The following STK3 variants were observed in gnomAD, a reference collection of about 807,000 sequenced individuals.
STK3 encodes serine/threonine kinase 3.
Under a neutral mutation model 58.0 loss-of-function variants are expected in STK3, and 41 were observed. The ratio of observed to expected loss-of-function variants is 0.71; its 90% CI spans 0.55 to 0.92. The LOEUF (loss-of-function observed/expected upper bound fraction) is 0.92, where lower values mean the gene tolerates loss of function less well. Among genes scored for constraint, STK3 ranks in the 40% least tolerant of loss-of-function variants. STK3 has a pLI of 0.00. For missense variants in STK3, 479 were observed against 602.7 expected, an observed-to-expected ratio of 0.79 and a Z score of 2.15; for synonymous variants, 170 against 191.0, an observed-to-expected ratio of 0.89 and a Z score of 0.91.
chr8:98,601,330 T>C (rs1479962214), intron 6 of STK3, among the ~76,000 whole-genome samples: 2 of 152,186 alleles, frequency 1.3e-5, no homozygotes, highest in East Asian at 1.9e-4. Flanking sequence ...ATACAATCAA[T>C]TGTAAATCTT....
chr8:98,697,592 T>G (rs1052137755), intron 6 of STK3, among the ~76,000 whole-genome samples: 3 of 152,244 alleles, frequency 2.0e-5, no homozygotes, highest in Admixed American at 1.3e-4. Context: ...AACATCCTTA[T>G]TTCTGCCTTC....
intron 3 of STK3, chr8:98,427,589 T>A (rs1818255961): frequency 7.2e-6 from 1 of 138,094 alleles, no homozygotes; most frequent in African/African-American, 2.7e-5. Flanking sequence ...TGCCCGTGCG[T>A]ATCTCAGCTC....
At chr8:98,572,299 T>A (rs1813029558) in intron 8 of STK3, among the ~76,000 whole-genome samples, 1 of 152,196 alleles carries the variant, frequency 6.6e-6, no homozygotes. Flanking sequence ...AAATCCTGTA[T>A]GCCTGCTTTT....
chr8:98,473,343 T>A (rs984035479), intron 10 of STK3, among the ~76,000 whole-genome samples: 3 of 152,182 alleles, frequency 2.0e-5, no homozygotes, highest in Admixed American at 2.0e-4. Flanking sequence ...CTTCTTTCTC[T>A]TGTGCATCTT....
downstream of STK3, among the ~76,000 whole-genome samples, chr8:98,398,147 C>T (rs1018285308): frequency 1.2e-4 from 18 of 152,274 alleles, no homozygotes; most frequent in African/African-American, 3.6e-4. Context: ...AAGGGCATCA[C>T]GTGTCTGGGA....
intron 3 of STK3, among the ~76,000 whole-genome samples, chr8:98,852,319 A>T (rs1836502726): frequency 1.3e-5 from 2 of 152,036 alleles, no homozygotes; most frequent in African/African-American, 4.8e-5. Context: ...TTTTTAGTAG[A>T]GGTGGGGTTT....
chr8:98,747,621 T>G (rs1159746757), intron 4 of STK3, among the ~76,000 whole-genome samples: 1 of 152,158 alleles, frequency 6.6e-6, no homozygotes, highest in Non-Finnish European at 1.5e-5. Context: ...GGTACTCTTT[T>G]TGGATAATAA....
chr8:98,822,855 G>A lies in STK3; in HGVS notation c.26+2660C>T, dbSNP rs373618576. Among the ~76,000 whole-genome samples the A allele has an allele frequency of 1.1e-4, 16 of 152,218 alleles. No homozygotes were observed. In the East Asian group the frequency reaches 2.7e-3, roughly 26 times the overall value. Reference sequence around the variant, plus strand: ...ACCAGCCTGGCCAACATGGCGAAACGTTGTCTCTACTAAAACACAAAAATG... The same window carrying A: ...ACCAGCCTGGCCAACATGGCGAAACATTGTCTCTACTAAAACACAAAAATG... On this transcript the variant is annotated intron_variant, in intron 1 of 10. Coordinates refer to ENST00000419617, the MANE Select transcript of STK3 (RefSeq NM_006281.4).
At chr8:98,348,591 T>C in the STK3 span, among the ~76,000 whole-genome samples, 5 of 152,194 alleles carry the variant, frequency 3.3e-5, no homozygotes, top group Non-Finnish European at 7.3e-5. Context: ...AACAACCTGA[T>C]TTAAAAGTGG....
intron 1 of STK3, among the ~76,000 whole-genome samples, chr8:98,901,206 CCT>C (rs368763153): frequency 3.3e-5 from 5 of 152,166 alleles, no homozygotes; most frequent in African/African-American, 1.2e-4. Context: ...ACTCTCTAAG[CCT>C]CTGTTTACTT....
intron 6 of STK3, chr8:98,598,275 C>A (rs981775995): frequency 3.0e-6 from 3 of 985,272 alleles, no homozygotes; most frequent in Non-Finnish European, 3.6e-6. Context: ...ATAAGGCTCA[C>A]CTTAGCAGTA....
rs148922658 is a variant in STK3 at position 98,787,542 on chromosome 8, T to A, written c.27-12723A>T. Among the ~76,000 whole-genome samples the A allele has an allele frequency of 3.2e-3, 480 of 152,254 alleles. 3 individuals carry two copies. The highest frequency in any genetic ancestry group is 4.5e-3 in the Non-Finnish European group (305 of 68,012). On this transcript the variant is annotated intron_variant, in intron 1 of 10. Transcript: ENST00000419617. ...ATAATTGAGGAAAACTTCCCAGCCT[T>A]GATAGAGACCCAGACATCCAAATAC...
intron 9 of STK3, among the ~76,000 whole-genome samples, chr8:98,531,954 T>C (rs1161740255): frequency 6.6e-6 from 1 of 152,248 alleles, no homozygotes; most frequent in Non-Finnish European, 1.5e-5. Flanking sequence ...GACTTTGGCT[T>C]AAGGAAATGT....
intron 8 of STK3, among the ~76,000 whole-genome samples, chr8:98,571,650 T>C (rs1563752228): frequency 6.6e-6 from 1 of 152,184 alleles, no homozygotes; most frequent in African/African-American, 2.4e-5. Context: ...CTCTAAGACA[T>C]AGTCTAAGAC....
chr8:98,484,536 C>A (rs16897037), intron 10 of STK3, among the ~76,000 whole-genome samples: 1 of 152,074 alleles, frequency 6.6e-6, no homozygotes, highest in Non-Finnish European at 1.5e-5. Flanking sequence ...TATAACAGTA[C>A]AAGTTTATGG....
intron 3 of STK3, among the ~76,000 whole-genome samples, chr8:98,401,872 C>T (rs902314933): frequency 2.0e-5 from 3 of 152,148 alleles, no homozygotes; most frequent in South Asian, 2.1e-4. Context: ...CCAGCCTTTA[C>T]TGGAGCTAAT....
At chr8:98,452,704 A>C (rs1373574326), downstream of STK3, among the ~76,000 whole-genome samples, 2 of 152,086 alleles carry the variant, frequency 1.3e-5, no homozygotes, top group Admixed American at 1.3e-4. Flanking sequence ...AAATAACTAG[A>C]AAACTGTCTT....
intron 6 of STK3, among the ~76,000 whole-genome samples, chr8:98,699,375 C>T (rs1472872556): frequency 2.0e-5 from 3 of 152,342 alleles, no homozygotes; most frequent in African/African-American, 4.8e-5. Flanking sequence ...CAAAGTCATT[C>T]TCCGTCCAGC....
At chr8:98,481,711 T>G (rs982206265) in intron 10 of STK3, among the ~76,000 whole-genome samples, 2 of 138,734 alleles carry the variant, frequency 1.4e-5, no homozygotes, top group African/African-American at 5.5e-5. Flanking sequence ...CTAGTATCCC[T>G]AAAGCTATTG....
Sources: gnomAD v4.1 joint callset for allele counts (sites outside exome capture counted in the v4.1 genomes callset) on GRCh38, gnomAD v4.1.1 for gene constraint, MANE v1.5 for transcripts, NCBI Gene and HGNC (gene_info 2026-07-23, HGNC 2026-07-21) for gene names.